CSMD1: variants seen among roughly 807,000 people sequenced by gnomAD.
CSMD1 encodes CUB and sushi domain-containing protein 1.
Under a neutral mutation model 417.5 loss-of-function variants are expected in CSMD1, and 213 were observed. The observed-to-expected ratio is 0.51, with a 90% CI of 0.46 to 0.57. CSMD1 has a LOEUF of 0.57. Ranked by LOEUF, CSMD1 falls within the 20% of genes least tolerant of loss-of-function variation. CSMD1 has a pLI of 0.00. For missense variants in CSMD1, 6,923 were observed against 4,529.7 expected (o/e 1.53, Z -15.17); for synonymous variants, 2,862 against 1,736.8 (o/e 1.65, Z -16.11).
chr8:3,708,801 A>G (rs1224516523), intron 6 of CSMD1, among the ~76,000 whole-genome samples: 1 of 152,206 alleles, frequency 6.6e-6, no homozygotes, highest in Non-Finnish European at 1.5e-5. Flanking sequence ...AATCATTATC[A>G]TTCCCCAAAT....
At chr8:3,992,502 G>C (rs573301318) in intron 5 of CSMD1, among the ~76,000 whole-genome samples, 43 of 152,296 alleles carry the variant, frequency 2.8e-4, no homozygotes, top group African/African-American at 9.4e-4. Context: ...AGAAAATATG[G>C]GACTGGCTGT....
chr8:3,993,502 T>G (rs543914603), intron 5 of CSMD1, among the ~76,000 whole-genome samples: 3 of 152,338 alleles, frequency 2.0e-5, no homozygotes, highest in African/African-American at 7.2e-5. Context: ...TGTTTTAACT[T>G]TAGCCAGTCA....
At chr8:3,501,052 A>G (rs956771867) in intron 10 of CSMD1, among the ~76,000 whole-genome samples, 14 of 152,222 alleles carry the variant, frequency 9.2e-5, no homozygotes, top group African/African-American at 3.4e-4. Flanking sequence ...TAATTTATAA[A>G]CAAAATGAAA....
chr8:4,880,086 G>T (rs181151276), intron 1 of CSMD1, among the ~76,000 whole-genome samples: 1 of 151,956 alleles, frequency 6.6e-6, no homozygotes, highest in African/African-American at 2.4e-5. Context: ...ATTAGTTTTG[G>T]CCGTTGTAAT....
chr8:3,399,580 GC>G, intron 15 of CSMD1, 51 bp from the exon 16 acceptor site: 1 of 1,414,216 alleles, frequency 7.1e-7, no homozygotes, highest in South Asian at 1.5e-5. Flanking sequence ...AGAAGGATAT[GC>G]CATAACAATA....
At chr8:3,426,259 G>A (rs1421940382) in intron 12 of CSMD1, among the ~76,000 whole-genome samples, 2 of 152,098 alleles carry the variant, frequency 1.3e-5, no homozygotes, top group Non-Finnish European at 2.9e-5. Flanking sequence ...GTTCCATCCT[G>A]CACATCACAT....
At chr8:4,945,486 A>G (rs182165720) in intron 1 of CSMD1, among the ~76,000 whole-genome samples, 30 of 148,494 alleles carry the variant, frequency 2.0e-4, no homozygotes, top group Admixed American at 5.3e-4. Context: ...CTTGAGCCCA[A>G]GAGTTTTAAA....
At chr8:4,905,273 G>C (rs1285037629) in intron 1 of CSMD1, among the ~76,000 whole-genome samples, 1 of 152,124 alleles carries the variant, frequency 6.6e-6, no homozygotes, top group Non-Finnish European at 1.5e-5. Context: ...TCAGTCATTT[G>C]CTGAAGTTTA....
intron 25 of CSMD1, among the ~76,000 whole-genome samples, chr8:3,293,071 C>T (rs1259352015): frequency 6.6e-6 from 1 of 151,964 alleles, no homozygotes; most frequent in South Asian, 2.1e-4. Context: ...TATTTTATTT[C>T]TCCTTCACTT....
intron 2 of CSMD1, among the ~76,000 whole-genome samples, chr8:4,606,902 T>C (rs1383551981): frequency 6.6e-6 from 1 of 152,238 alleles, no homozygotes; most frequent in Non-Finnish European, 1.5e-5. Flanking sequence ...CTCCCCATTA[T>C]ATCAGTATAG....
intron 5 of CSMD1, among the ~76,000 whole-genome samples, chr8:3,852,715 G>A (rs561983420): frequency 9.9e-5 from 15 of 152,094 alleles, no homozygotes; most frequent in African/African-American, 3.4e-4. Context: ...GTGAGGGACG[G>A]GAGAGATGGA....
chr8:4,124,181 G>A (rs1019714938), intron 3 of CSMD1, among the ~76,000 whole-genome samples: 2 of 152,130 alleles, frequency 1.3e-5, no homozygotes, highest in Admixed American at 6.5e-5. Context: ...GGGAGGAAGT[G>A]GGGGTGGGCA....
intron 10 of CSMD1, among the ~76,000 whole-genome samples, chr8:3,551,596 ATTTTTTTTTT>A (rs1194152215): frequency 8.8e-6 from 1 of 113,448 alleles, no homozygotes; most frequent in African/African-American, 3.3e-5. Flanking sequence ...ATATATATAT[ATTTTTTTTTT>A]TTTTTTTTCT....
At chr8:3,583,651 C>G (rs546778523) in intron 9 of CSMD1, among the ~76,000 whole-genome samples, 5 of 152,030 alleles carry the variant, frequency 3.3e-5, no homozygotes, top group South Asian at 4.2e-4. Context: ...ATCAAACAAA[C>G]AGGAATCAGG....
At chr8:3,955,563 C>T (rs138034520) in intron 5 of CSMD1, among the ~76,000 whole-genome samples, 1 of 152,144 alleles carries the variant, frequency 6.6e-6, no homozygotes, top group Non-Finnish European at 1.5e-5. Flanking sequence ...AAAATGTTTA[C>T]ATATTCCATA....
intron 5 of CSMD1, among the ~76,000 whole-genome samples, chr8:3,911,435 G>C (rs151008299): frequency 0.011 from 1,716 of 151,830 alleles, 32 homozygotes; most frequent in African/African-American, 0.04. Flanking sequence ...GGCTGAGGCA[G>C]GAGAATGGCG....
intron 3 of CSMD1, among the ~76,000 whole-genome samples, chr8:4,172,543 C>G (rs986137270): frequency 4.6e-5 from 7 of 152,014 alleles, no homozygotes; most frequent in Non-Finnish European, 7.4e-5. Context: ...GCTTTGCTTG[C>G]AGTGGAAAGT....
At chr8:4,055,809 GA>G (rs1798660830) in intron 3 of CSMD1, among the ~76,000 whole-genome samples, 1 of 151,694 alleles carries the variant, frequency 6.6e-6, no homozygotes, top group Admixed American at 6.6e-5. Flanking sequence ...GACTAACACT[GA>G]AGCAGAAGTG....
At chr8:3,525,254 G>A (rs191486151) in intron 10 of CSMD1, among the ~76,000 whole-genome samples, 1 of 152,210 alleles carries the variant, frequency 6.6e-6, no homozygotes, top group East Asian at 1.9e-4. Flanking sequence ...GGAACTGAGG[G>A]TCCTTAAAAG....
Sources: gnomAD v4.1 joint callset for allele counts (sites outside exome capture counted in the v4.1 genomes callset) on GRCh38, gnomAD v4.1.1 for gene constraint, MANE v1.5 for transcripts, NCBI Gene and HGNC (gene_info 2026-07-23, HGNC 2026-07-21) for gene names.